Variants in LAMP5 observed in about 807,000 individuals in gnomAD.
The protein encoded by LAMP5 is lysosome associated membrane protein 5.
LAMP5 carries 36 observed loss-of-function variants against 30.2 expected under a neutral mutation model. The observed-to-expected ratio is 1.19, with a 90% CI of 0.91 to 1.57. LAMP5 has a LOEUF of 1.57. LAMP5 is among the 40% of genes most tolerant of loss of function. The pLI is 0.00. For synonymous variants in LAMP5, 149 were observed against 134.6 expected, an observed-to-expected ratio of 1.11 and a Z score of -0.74; for missense variants, 377 against 354.9, an observed-to-expected ratio of 1.06 and a Z score of -0.50.
intron 5 of LAMP5, among the ~76,000 whole-genome samples, chr20:9,521,834 A>G (rs773584612): frequency 6.6e-6 from 1 of 152,224 alleles, no homozygotes; most frequent in Non-Finnish European, 1.5e-5. Context: ...CAGAAAAAAT[A>G]TAATAGAATA....
rs576656620 is a variant in LAMP5 at position 9,514,840 on chromosome 20, G to A, written c.-13G>A. ...GCAGCAGCACAGCCGGCCTCATTCG[G>A]GGCACTGCGAGTATGGATCTCCAAG... is the stretch of plus-strand genomic sequence containing the variant. On this transcript the variant is annotated 5_prime_UTR_variant, in exon 1 of 6. Transcript: ENST00000246070. The A allele has an allele frequency of 1.9e-6, 3 of 1,613,868 alleles. No homozygotes were observed. In the East Asian group the frequency reaches 6.7e-5, roughly 36 times the overall value.
At chr20:9,522,972 C>CTTTTTTTTTTTTTTTTTTTT (rs60017722) in intron 5 of LAMP5, among the ~76,000 whole-genome samples, 2 of 104,184 alleles carry the variant, frequency 1.9e-5, no homozygotes, top group Non-Finnish European at 3.6e-5. Context: ...ATACTTAAAT[C>CTTTTTTTTTTTTTTTTTTTT]TTTTTTTTTT....
At chr20:9,516,739 T>C in intron 4 of LAMP5, among the ~76,000 whole-genome samples, 1 of 152,208 alleles carries the variant, frequency 6.6e-6, no homozygotes, top group Non-Finnish European at 1.5e-5. Context: ...TTGTTTCTTA[T>C]GCGCTAAAAC....
chr20:9,521,274 C>T (rs1267428297), intron 5 of LAMP5, among the ~76,000 whole-genome samples: 1 of 152,090 alleles, frequency 6.6e-6, no homozygotes, highest in Non-Finnish European at 1.5e-5. Flanking sequence ...GTCCATGGGT[C>T]CCAGAGCTTC....
rs549340268 is a variant in LAMP5, at chr20:9,518,689, T to C, written c.664+461T>C. On this transcript the variant is annotated intron_variant, in intron 5 of 5. Transcript: ENST00000246070. ...AAAGTATTTAAGACGTTAGTTAATC[T>C]AGAGAGCTACAGATGGGGGAAAGGG... Among the ~76,000 whole-genome samples, 4 of 152,388 alleles carry C rather than the reference T, an allele frequency of 2.6e-5. No homozygotes were observed. In the South Asian group the frequency reaches 6.2e-4, roughly 24 times the overall value.
At chr20:9,515,689 C>G in intron 2 of LAMP5, 64 bp downstream of exon 2, 1 of 1,554,204 alleles carries the variant, frequency 6.4e-7, no homozygotes, top group Non-Finnish European at 8.8e-7. Context: ...CACCCTTCCT[C>G]AAGGCTCTTC....
intron 5 of LAMP5, among the ~76,000 whole-genome samples, chr20:9,525,649 T>G (rs939759199): frequency 2.0e-5 from 3 of 152,338 alleles, no homozygotes; most frequent in South Asian, 2.1e-4. Flanking sequence ...TTCATTGCTA[T>G]GGTATAAAAC....
At chr20:9,515,931 C>G in intron 2 of LAMP5, 69 bp from the exon 3 acceptor site, 1 of 1,422,552 alleles carries the variant, frequency 7.0e-7, no homozygotes, top group Middle Eastern at 2.3e-4. Flanking sequence ...AGTTTGGACG[C>G]GCCGCCCTTT....
chr20:9,525,944 ATTGT>A (rs1458293548), intron 5 of LAMP5, among the ~76,000 whole-genome samples: 1 of 152,146 alleles, frequency 6.6e-6, no homozygotes, highest in Admixed American at 6.5e-5. Flanking sequence ...CTTCTGGCTG[ATTGT>A]TTGCCTGGGT....
chr20:9,527,296 T>C (rs2045120995), intron 5 of LAMP5, among the ~76,000 whole-genome samples: 1 of 152,140 alleles, frequency 6.6e-6, no homozygotes. Context: ...TATGACTTGA[T>C]TACCTTATGT....
rs969882177 is a variant in LAMP5 at position 9,515,993 on chromosome 20, T to C, written c.238-7T>C. 1 of 1,502,054 alleles carries C rather than the reference T, an allele frequency of 6.7e-7. No homozygotes were observed. The highest frequency in any genetic ancestry group is 2.4e-5 in the Admixed American group (1 of 41,940). 93.0% of individuals were successfully genotyped at this position (1,502,054 alleles called of 1,614,324 possible). A position where few individuals can be genotyped will look rare whatever the true frequency, so the allele number is the denominator to read the frequency against. Reference sequence around the variant, plus strand: ...GCTGAGGGGGCGCGGGGCGTCTGTGTTCCCAGCTGATCACAGAACAGGCCG... The same window carrying C: ...GCTGAGGGGGCGCGGGGCGTCTGTGCTCCCAGCTGATCACAGAACAGGCCG... On this transcript the variant is annotated splice_region_variant and splice_polypyrimidine_tract_variant and intron_variant, in intron 2 of 5. Transcript: ENST00000246070.
At chr20:9,526,425 TTTG>T (rs2045112812) in intron 5 of LAMP5, among the ~76,000 whole-genome samples, 2 of 152,348 alleles carry the variant, frequency 1.3e-5, no homozygotes, top group Admixed American at 1.3e-4. Context: ...ATAAATAACC[TTTG>T]TTGTTAACAA....
At chr20:9,515,963 G>A (rs2045034537) in intron 2 of LAMP5, 37 bp from the exon 3 acceptor site, 1 of 1,472,072 alleles carries the variant, frequency 6.8e-7, no homozygotes, top group Non-Finnish European at 9.0e-7. Context: ...CCCGGGGCCG[G>A]GCGAGCTGAG....
In LAMP5 at chr20:9,518,079, T is replaced by A; in HGVS notation, c.515T>A (p.Leu172Ter). Residue 172 changes from leucine (L) to a stop codon, truncating the protein, a stop_gained, in exon 5 of 6, where the codon TTG becomes TAG. Coordinates refer to ENST00000246070, the MANE Select transcript of LAMP5 (RefSeq NM_012261.4). LOFTEE classifies it high-confidence loss of function. ...HTANSHHLSALVTPAGKSYEC... is the reference protein window; with the variant it reads ...HTANSHHLSA ...GCCAACTCGCACCACCTCTCTGCCT[T>A]GGTCACCCCCGCTGGGAAGTCCTAT... is the stretch of plus-strand genomic sequence containing the variant. 6.2e-7 allele frequency: 1 copy of A among 1,614,112 alleles called. No homozygotes were observed. The highest frequency in any genetic ancestry group is 8.5e-7 in the Non-Finnish European group (1 of 1,180,030).
At chr20:9,517,336 G>C (rs544939998) in intron 4 of LAMP5, among the ~76,000 whole-genome samples, 1 of 152,218 alleles carries the variant, frequency 6.6e-6, no homozygotes, top group Non-Finnish European at 1.5e-5. Flanking sequence ...CAATCTGTCC[G>C]GCTTTGTTGA....
At position 9,530,456 on chromosome 20, in the gene LAMP5, G is replaced by A. The variant is rs894758862; in HGVS notation, c.*636G>A. The A allele has an allele frequency of 5.2e-5, 8 of 152,630 alleles. No individual in the cohort carries two copies. The highest frequency in any genetic ancestry group is 8.8e-5 in the Non-Finnish European group (6 of 68,056). 9.5% of individuals were successfully genotyped at this position (152,630 alleles called of 1,614,324 possible). A position where few individuals can be genotyped will look rare whatever the true frequency, so the allele number is the denominator to read the frequency against. Reference sequence around the variant, plus strand: ...CTTCTTCCTGTGCCAGGTCCAAGTCGGGGGACCTGAAGAATCAATCTGTGT... The same window carrying A: ...CTTCTTCCTGTGCCAGGTCCAAGTCAGGGGACCTGAAGAATCAATCTGTGT... On this transcript the variant is annotated 3_prime_UTR_variant, in exon 6 of 6. Coordinates refer to ENST00000246070, the MANE Select transcript of LAMP5 (RefSeq NM_012261.4).
At chr20:9,522,895 G>A (rs11907504) in intron 5 of LAMP5, among the ~76,000 whole-genome samples, 4,227 of 151,550 alleles carry the variant, frequency 0.028, 83 homozygotes, top group African/African-American at 0.061. Flanking sequence ...TGTATACAAT[G>A]CATGTCATGT....
chr20:9,521,952 TAACAA>T (rs955438605), intron 5 of LAMP5, among the ~76,000 whole-genome samples: 2 of 152,156 alleles, frequency 1.3e-5, no homozygotes, highest in East Asian at 1.9e-4. Flanking sequence ...GGGGCAAACA[TAACAA>T]AACAAAACAA....
chr20:9,515,539 C>A lies in LAMP5; in HGVS notation c.151C>A (p.Arg51=). 6.2e-7 allele frequency: 1 copy of A among 1,613,992 alleles called. No homozygotes were observed. The stretch of plus-strand genomic sequence containing the variant: ...CCCTGAAAAAGATATATTTGTGGTG[C>A]GGGAAAATGGGACGACGTGTCTCAT... ...TNPEKDIFVV[R]ENGTTCLMAE... is the part of the protein sequence containing the mutation. The change falls in exon 2 of 6, where the codon CGG becomes AGG. Residue 51 remains arginine (R), a synonymous_variant. Coordinates refer to ENST00000246070, the MANE Select transcript of LAMP5 (RefSeq NM_012261.4).
Sources: allele counts gnomAD v4.1 joint callset (sites outside exome capture counted in the v4.1 genomes callset), GRCh38; gene constraint gnomAD v4.1.1; transcripts MANE v1.5; gene names NCBI Gene and HGNC (gene_info 2026-07-23, HGNC 2026-07-21).